The following SEMA6D variants were observed in gnomAD, a reference collection of about 807,000 sequenced individuals.
SEMA6D encodes the protein semaphorin 6D, also known as semaphorin-6D.
A neutral mutation model predicts 106.6 loss-of-function variants in SEMA6D; 35 were observed. That is an observed-to-expected ratio of 0.33 (90% CI 0.25 to 0.44). The LOEUF is 0.44. SEMA6D is among the 20% of genes least tolerant of loss of function. The pLI is 1.00. For missense variants in SEMA6D, 1,185 were observed against 1,345.9 expected, an observed-to-expected ratio of 0.88 and a Z score of 1.87; for synonymous variants, 499 against 487.7, an observed-to-expected ratio of 1.02 and a Z score of -0.31.
At chr15:47,612,282 A>G (rs1356261435) in intron 4 of SEMA6D, among the ~76,000 whole-genome samples, 2 of 152,212 alleles carry the variant, frequency 1.3e-5, no homozygotes, top group Admixed American at 1.3e-4. Context: ...CTAAGGGCTC[A>G]TGGTGACTAA....
chr15:47,252,742 G>C (rs2033593135), intron 1 of SEMA6D, among the ~76,000 whole-genome samples: 1 of 152,068 alleles, frequency 6.6e-6, no homozygotes, highest in African/African-American at 2.4e-5. Flanking sequence ...CCCTTTTATA[G>C]CTGAATAGTA....
intron 1 of SEMA6D, among the ~76,000 whole-genome samples, chr15:47,406,009 T>C (rs1832894882): frequency 6.6e-6 from 1 of 152,226 alleles, no homozygotes; most frequent in Admixed American, 6.5e-5. Flanking sequence ...CAAGGAGACC[T>C]GAGAACTGCT....
At chr15:47,638,928 C>G (rs567895231) in intron 4 of SEMA6D, among the ~76,000 whole-genome samples, 15 of 152,342 alleles carry the variant, frequency 9.8e-5, no homozygotes, top group Non-Finnish European at 1.8e-4. Context: ...AGGAAAAAGG[C>G]TGGTCCCCAG....
At chr15:47,215,460 A>G (rs904314611) in intron 1 of SEMA6D, among the ~76,000 whole-genome samples, 1 of 152,152 alleles carries the variant, frequency 6.6e-6, no homozygotes, top group African/African-American at 2.4e-5. Context: ...AGTAACACAA[A>G]TATGCTATTA....
At chr15:47,350,384 C>T (rs4270118) in intron 1 of SEMA6D, among the ~76,000 whole-genome samples, 81,014 of 152,042 alleles carry the variant, frequency 0.53, 24,699 homozygotes, top group African/African-American at 0.85. Flanking sequence ...GGGTCAAATA[C>T]TTGAATATCT....
chr15:47,487,896 A>G (rs1221187244), intron 3 of SEMA6D, among the ~76,000 whole-genome samples: 2 of 152,120 alleles, frequency 1.3e-5, no homozygotes, highest in Non-Finnish European at 2.9e-5. Flanking sequence ...TCTTTTATAT[A>G]TGCAGCTCTT....
chr15:47,537,760 A>C (rs981660836), intron 3 of SEMA6D, among the ~76,000 whole-genome samples: 3 of 152,168 alleles, frequency 2.0e-5, no homozygotes, highest in Non-Finnish European at 4.4e-5. Flanking sequence ...GAAGTAATCA[A>C]GGATAAATGA....
chr15:47,265,922 G>A (rs2142167159), intron 1 of SEMA6D, among the ~76,000 whole-genome samples: 1 of 152,138 alleles, frequency 6.6e-6, no homozygotes. Context: ...GTTTTATCAG[G>A]CCTCTCTGTC....
rs575884071 is a variant in SEMA6D at position 47,231,472 on chromosome 15, A to G, written c.-239+47054A>G. ...AGAGCACGCCCCATTTGATGTATGC[A>G]TTACCTTCACTAAAATCCACTTTTC... On this transcript the variant is annotated intron_variant, in intron 1 of 19. Transcript: ENST00000558014. Among the ~76,000 whole-genome samples the G allele has an allele frequency of 3.9e-5, 6 of 151,996 alleles. No homozygotes were observed. The East Asian group carries it at 1.2e-3, about 29-fold the overall frequency.
intron 1 of SEMA6D, among the ~76,000 whole-genome samples, chr15:47,373,558 ACAGTGTTCCCCTATCC>A (rs1328699304): frequency 6.6e-6 from 1 of 152,174 alleles, no homozygotes; most frequent in African/African-American, 2.4e-5. Flanking sequence ...AAGGGAAAAA[ACAGTGTTCCCCTATCC>A]CACTTTTCTA....
intron 2 of SEMA6D, among the ~76,000 whole-genome samples, chr15:47,419,558 A>C (rs1464230599): frequency 6.6e-6 from 1 of 152,042 alleles, no homozygotes; most frequent in Non-Finnish European, 1.5e-5. Context: ...AGAAGGACAA[A>C]AGGCCTGGAC....
chr15:47,666,433 G>A (rs1394727484), intron 4 of SEMA6D, among the ~76,000 whole-genome samples: 1 of 152,188 alleles, frequency 6.6e-6, no homozygotes, highest in African/African-American at 2.4e-5. Flanking sequence ...ATAATCTCCT[G>A]CTTAGTCACC....
intron 1 of SEMA6D, among the ~76,000 whole-genome samples, chr15:47,190,232 T>C (rs1344475355): frequency 1.3e-5 from 2 of 152,176 alleles, no homozygotes; most frequent in Non-Finnish European, 2.9e-5. Flanking sequence ...CACTAGCTTG[T>C]TCAGGTATGA....
chr15:47,299,563 C>T (rs1320974078), intron 1 of SEMA6D, among the ~76,000 whole-genome samples: 1 of 152,136 alleles, frequency 6.6e-6, no homozygotes, highest in Non-Finnish European at 1.5e-5. Context: ...TGAAGATGAA[C>T]ATTTTAAAAG....
At chr15:47,763,366 A>T (rs1332555246) in intron 9 of SEMA6D, among the ~76,000 whole-genome samples, 1 of 152,136 alleles carries the variant, frequency 6.6e-6, no homozygotes. Context: ...TTCTACAGGT[A>T]CCCTTGAGCT....
intron 1 of SEMA6D, among the ~76,000 whole-genome samples, chr15:47,719,099 A>G (rs2079264242): frequency 6.9e-6 from 1 of 144,888 alleles, no homozygotes; most frequent in Non-Finnish European, 1.5e-5. Flanking sequence ...CATTGCTGTC[A>G]GGTGATTGTT....
At chr15:47,264,515 A>G (rs1052791954) in intron 1 of SEMA6D, among the ~76,000 whole-genome samples, 2 of 152,066 alleles carry the variant, frequency 1.3e-5, no homozygotes, top group African/African-American at 4.8e-5. Flanking sequence ...TCCCATCAGC[A>G]AGGTACGAGA....
At chr15:47,506,599 AACACAC>A (rs61155774) in intron 3 of SEMA6D, among the ~76,000 whole-genome samples, 17 of 137,796 alleles carry the variant, frequency 1.2e-4, no homozygotes, top group South Asian at 2.3e-4. Context: ...CACACACACA[AACACAC>A]ACACACACAC....
intron 1 of SEMA6D, among the ~76,000 whole-genome samples, chr15:47,259,047 C>T (rs2033944950): frequency 6.6e-6 from 1 of 152,032 alleles, no homozygotes; most frequent in African/African-American, 2.4e-5. Flanking sequence ...GTGATTTACT[C>T]TATGCATATG....
Sources: gnomAD v4.1 joint callset for allele counts (sites outside exome capture counted in the v4.1 genomes callset) on GRCh38, gnomAD v4.1.1 for gene constraint, MANE v1.5 for transcripts, NCBI Gene and HGNC (gene_info 2026-07-23, HGNC 2026-07-21) for gene names.